The following SNTG1 variants were observed in gnomAD, a reference collection of about 807,000 sequenced individuals.
SNTG1 encodes the protein gamma-1-syntrophin.
SNTG1 carries 39 observed loss-of-function variants against 74.7 expected under a neutral mutation model. The ratio of observed to expected loss-of-function variants is 0.52; its 90% CI spans 0.40 to 0.68. The LOEUF (loss-of-function observed/expected upper bound fraction) is 0.68, where lower values mean the gene tolerates loss of function less well. Ranked by LOEUF, SNTG1 falls within the 30% of genes least tolerant of loss-of-function variation. The pLI is 0.00. For synonymous variants in SNTG1, 254 were observed against 217.1 expected (o/e 1.17, Z -1.49); for missense variants, 685 against 609.5 (o/e 1.12, Z -1.30).
chr8:50,456,155 G>A (rs1245983516), intron 8 of SNTG1, among the ~76,000 whole-genome samples: 1 of 152,102 alleles, frequency 6.6e-6, no homozygotes, highest in African/African-American at 2.4e-5. Flanking sequence ...AGACCCACAT[G>A]TCCGTCCCCT....
At chr8:49,932,096 C>T (rs1807646343) in intron 1 of SNTG1, among the ~76,000 whole-genome samples, 1 of 152,092 alleles carries the variant, frequency 6.6e-6, no homozygotes, top group African/African-American at 2.4e-5. Flanking sequence ...CCTCTGCTCA[C>T]CCTTCCCCAT....
intron 1 of SNTG1, among the ~76,000 whole-genome samples, chr8:50,034,771 TG>T (rs1393158813): frequency 6.6e-6 from 1 of 152,204 alleles, no homozygotes; most frequent in Non-Finnish European, 1.5e-5. Context: ...TTTACAAATT[TG>T]TGTTGGGCTA....
At chr8:50,028,011 A>C (rs1817412618) in intron 1 of SNTG1, among the ~76,000 whole-genome samples, 1 of 152,186 alleles carries the variant, frequency 6.6e-6, no homozygotes, top group Non-Finnish European at 1.5e-5. Flanking sequence ...TGACATTGTT[A>C]CATTGTGTGT....
At chr8:50,014,815 G>A (rs533914822) in intron 1 of SNTG1, among the ~76,000 whole-genome samples, 1 of 151,980 alleles carries the variant, frequency 6.6e-6, no homozygotes, top group South Asian at 2.1e-4. Flanking sequence ...AGATCTCAGT[G>A]GCCACACACA....
chr8:50,761,350 G>T (rs1224650230), intron 18 of SNTG1, among the ~76,000 whole-genome samples: 2 of 151,944 alleles, frequency 1.3e-5, no homozygotes, highest in African/African-American at 4.8e-5. Context: ...TGTTAAGGTG[G>T]GGGAGGGGAG....
intron 13 of SNTG1, among the ~76,000 whole-genome samples, chr8:50,653,552 T>A (rs1307266120): frequency 6.6e-6 from 1 of 152,254 alleles, no homozygotes; most frequent in African/African-American, 2.4e-5. Flanking sequence ...TTCCGCCACA[T>A]TTGTTTCTTT....
In SNTG1 at chr8:50,455,256, A is replaced by C. The variant is rs140548484; in HGVS notation, c.363+4527A>C. Among the ~76,000 whole-genome samples, 446 of 152,366 alleles carry C rather than the reference A, an allele frequency of 2.9e-3. 2 individuals are homozygous for C. The highest frequency in any genetic ancestry group is 0.01 in the African/African-American group (431 of 41,590). ...AAAGAGATCATCATTAGGCAAAGCA[A>C]GATGGATGCATAGCTGATTCCAGAG... is the stretch of plus-strand genomic sequence containing the variant. On this transcript the variant is annotated intron_variant, in intron 8 of 18. Transcript: ENST00000642720.
At chr8:50,297,616 G>A (rs561677588) in intron 2 of SNTG1, among the ~76,000 whole-genome samples, 4 of 152,148 alleles carry the variant, frequency 2.6e-5, no homozygotes, top group East Asian at 1.9e-4. Flanking sequence ...AGGTGGGGAG[G>A]CTACACAGTG....
chr8:50,038,302 C>T (rs115149178), intron 1 of SNTG1, among the ~76,000 whole-genome samples: 1 of 152,112 alleles, frequency 6.6e-6, no homozygotes, highest in Non-Finnish European at 1.5e-5. Flanking sequence ...GCAGAATGGG[C>T]TCCTCCAAGT....
chr8:50,179,716 A>C (rs1348475298), intron 2 of SNTG1, among the ~76,000 whole-genome samples: 1 of 152,198 alleles, frequency 6.6e-6, no homozygotes, highest in African/African-American at 2.4e-5. Context: ...ATGCAAATCA[A>C]AATCACAGTA....
At chr8:50,695,513 G>A (rs894652827) in intron 15 of SNTG1, among the ~76,000 whole-genome samples, 1 of 143,578 alleles carries the variant, frequency 7.0e-6, no homozygotes, top group African/African-American at 2.5e-5. Context: ...TTTATACTTA[G>A]GAAGTACCAG....
intron 1 of SNTG1, among the ~76,000 whole-genome samples, chr8:50,059,216 A>C (rs1297645619): frequency 1.3e-5 from 2 of 152,042 alleles, no homozygotes; most frequent in Non-Finnish European, 2.9e-5. Context: ...CATGCATTTC[A>C]ATTTTTTATA....
chr8:50,519,118 G>A lies in SNTG1; in HGVS notation c.467-11059G>A, dbSNP rs568024731. On this transcript the variant is annotated intron_variant, in intron 9 of 18. Coordinates refer to ENST00000642720, the MANE Select transcript of SNTG1 (RefSeq NM_018967.5). The stretch of plus-strand genomic sequence containing the variant: ...AAGCTTATCCACCACGATCAAGCCG[G>A]CTTCATCCCTGGGATGCAAGCCTGG... Among the ~76,000 whole-genome samples, 33 of 152,268 alleles carry A rather than the reference G, an allele frequency of 2.2e-4. No individual in the cohort carries two copies. In the East Asian group the frequency reaches 5.0e-3, roughly 23 times the overall value.
intron 15 of SNTG1, among the ~76,000 whole-genome samples, chr8:50,663,130 T>A (rs2095233226): frequency 6.6e-6 from 1 of 152,096 alleles, no homozygotes; most frequent in South Asian, 2.1e-4. Context: ...AGGAGCAACC[T>A]GGTCCAAGGA....
intron 2 of SNTG1, among the ~76,000 whole-genome samples, chr8:50,233,318 C>T (rs902875602): frequency 4.0e-5 from 6 of 151,488 alleles, no homozygotes; most frequent in Non-Finnish European, 7.4e-5. Context: ...GAAGGATAGT[C>T]TTTTCAAAAA....
chr8:50,301,095 A>G (rs1370942966), intron 2 of SNTG1, among the ~76,000 whole-genome samples: 1 of 152,108 alleles, frequency 6.6e-6, no homozygotes, highest in Non-Finnish European at 1.5e-5. Flanking sequence ...GGAGCTACCT[A>G]GATGTACAGG....
At chr8:50,559,410 G>GA (rs1249619625) in intron 12 of SNTG1, among the ~76,000 whole-genome samples, 1 of 151,676 alleles carries the variant, frequency 6.6e-6, no homozygotes, top group Non-Finnish European at 1.5e-5. Flanking sequence ...AGGAATAAGT[G>GA]AAAAAATAAT....
intron 2 of SNTG1, among the ~76,000 whole-genome samples, chr8:50,177,474 C>T (rs1458863980): frequency 6.6e-6 from 1 of 152,186 alleles, no homozygotes; most frequent in African/African-American, 2.4e-5. Flanking sequence ...TTCACTTCAA[C>T]CTCAACTATT....
At chr8:50,119,633 A>G (rs890788186) in intron 1 of SNTG1, among the ~76,000 whole-genome samples, 1 of 142,016 alleles carries the variant, frequency 7.0e-6, no homozygotes, top group Non-Finnish European at 1.6e-5. Context: ...ATTAGATGAG[A>G]TAATAGGTAA....
Sources: allele counts gnomAD v4.1 joint callset (sites outside exome capture counted in the v4.1 genomes callset), GRCh38; gene constraint gnomAD v4.1.1; transcripts MANE v1.5; gene names NCBI Gene and HGNC (gene_info 2026-07-23, HGNC 2026-07-21).